Variants in PTPRD observed in about 807,000 individuals in gnomAD.
PTPRD encodes receptor-type tyrosine-protein phosphatase delta.
PTPRD carries 34 observed loss-of-function variants against 214.5 expected under a neutral mutation model. The ratio of observed to expected loss-of-function variants is 0.16; its 90% confidence interval spans 0.12 to 0.21. PTPRD has a LOEUF of 0.21. Among genes scored for constraint, PTPRD ranks in the 10% least tolerant of loss-of-function variants. The probability of loss-of-function intolerance (pLI) is 1.00; values close to 1 mark genes in which losing one functional copy is unlikely to be tolerated. For missense variants in PTPRD, 2,545 were observed against 2,398.7 expected (o/e 1.06, Z -1.27); for synonymous variants, 1,128 against 845.7 (o/e 1.33, Z -5.79).
intron 11 of PTPRD, among the ~76,000 whole-genome samples, chr9:8,963,871 TC>T (rs2099171837): frequency 6.6e-6 from 1 of 152,156 alleles, no homozygotes; most frequent in African/African-American, 2.4e-5. Context: ...GCCTCGGTCT[TC>T]CAAAGTGCTA....
chr9:10,379,860 T>C (rs1240997859), intron 2 of PTPRD, among the ~76,000 whole-genome samples: 1 of 152,074 alleles, frequency 6.6e-6, no homozygotes, highest in East Asian at 1.9e-4. Flanking sequence ...ATAATATATT[T>C]TGTCTGATTC....
chr9:8,798,897 T>C (rs528864782), intron 11 of PTPRD, among the ~76,000 whole-genome samples: 2 of 152,076 alleles, frequency 1.3e-5, no homozygotes, highest in African/African-American at 4.8e-5. Flanking sequence ...TAAGTGCCTA[T>C]GAGATGTCAT....
intron 3 of PTPRD, among the ~76,000 whole-genome samples, chr9:10,259,007 T>C (rs1295988624): frequency 6.6e-6 from 1 of 152,044 alleles, no homozygotes; most frequent in Non-Finnish European, 1.5e-5. Context: ...TTTGTTTCTT[T>C]TGTTTTGTTT....
At chr9:8,327,458 T>C (rs1835053033) in intron 44 of PTPRD, among the ~76,000 whole-genome samples, 1 of 152,166 alleles carries the variant, frequency 6.6e-6, no homozygotes, top group South Asian at 2.1e-4. Flanking sequence ...TTCCAATATG[T>C]GGTCAATGTT....
intron 2 of PTPRD, among the ~76,000 whole-genome samples, chr9:10,358,097 A>G (rs2097310774): frequency 6.6e-6 from 1 of 152,130 alleles, no homozygotes; most frequent in Non-Finnish European, 1.5e-5. Flanking sequence ...TATCTGATAG[A>G]GGACAAAACC....
chr9:8,461,552 C>G (rs1179747883), intron 32 of PTPRD, among the ~76,000 whole-genome samples: 1 of 151,878 alleles, frequency 6.6e-6, no homozygotes, highest in East Asian at 1.9e-4. Flanking sequence ...ACTAACTGCC[C>G]TGCTTCTACC....
At chr9:10,033,893 C>A (rs1023773011) in intron 3 of PTPRD, 103 bp from the exon 4 acceptor site, 1 of 152,078 alleles carries the variant, frequency 6.6e-6, no homozygotes, top group Admixed American at 6.6e-5. Context: ...ACAGGAAAAA[C>A]TGCCTTGTAG....
intron 43 of PTPRD, among the ~76,000 whole-genome samples, chr9:8,332,031 T>TAACA (rs1237958201): frequency 1.3e-5 from 2 of 152,132 alleles, no homozygotes; most frequent in Non-Finnish European, 2.9e-5. Context: ...GTTCCCCCAT[T>TAACA]AACAAATGTT....
intron 10 of PTPRD, among the ~76,000 whole-genome samples, chr9:9,130,024 G>C (rs1171958722): frequency 6.6e-6 from 1 of 152,018 alleles, no homozygotes; most frequent in African/African-American, 2.4e-5. Context: ...CATATAATAG[G>C]CTCTTAATGT....
At chr9:9,387,099 C>G (rs2064124924) in intron 9 of PTPRD, among the ~76,000 whole-genome samples, 1 of 152,160 alleles carries the variant, frequency 6.6e-6, no homozygotes, top group African/African-American at 2.4e-5. Context: ...GGCCAAAGAC[C>G]TACATTTACA....
intron 11 of PTPRD, among the ~76,000 whole-genome samples, chr9:8,908,533 T>C (rs1260958435): frequency 3.3e-5 from 5 of 151,892 alleles, no homozygotes; most frequent in Admixed American, 3.3e-4. Context: ...AATTAGAAAA[T>C]ACTTTGAACT....
At position 9,836,904 on chromosome 9, in the gene PTPRD, A is replaced by T. The variant is rs139350139; in HGVS notation, c.-367-70053T>A. Among the ~76,000 whole-genome samples the T allele has an allele frequency of 2.2e-3, 333 of 152,334 alleles. 1 individual carries two copies. The highest frequency in any genetic ancestry group is 7.7e-3 in the African/African-American group (321 of 41,592). On this transcript the variant is annotated intron_variant, in intron 5 of 45. Transcript: ENST00000381196. ...CAAGAGGTAGATAAATTAATAGATT[A>T]TAACATGACTGTTATACCTCTTTCA...
chr9:9,931,638 C>T lies in PTPRD; in HGVS notation c.-368+6869G>A, dbSNP rs576458191. The stretch of plus-strand genomic sequence containing the variant: ...CTGAGATCAAACTGCAAGACGGCAA[C>T]GAGGCTGGGGGAGGGGCGCCCACCA... On this transcript the variant is annotated intron_variant, in intron 5 of 45. Coordinates refer to ENST00000381196, the MANE Select transcript of PTPRD (RefSeq NM_002839.4). Among the ~76,000 whole-genome samples, 430 of 151,404 alleles carry T rather than the reference C, an allele frequency of 2.8e-3. 2 individuals carry two copies. Among genetic ancestry groups the T allele is most frequent in the Non-Finnish European group, 5.2e-3 (355 of 67,856 alleles).
intron 3 of PTPRD, among the ~76,000 whole-genome samples, chr9:10,177,873 C>A (rs544610411): frequency 6.6e-6 from 1 of 152,006 alleles, no homozygotes; most frequent in South Asian, 2.1e-4. Context: ...CTACTATCCA[C>A]TTCCTTTTAT....
At chr9:10,146,150 C>CATATATATATATATATATAT (rs56191246) in intron 3 of PTPRD, among the ~76,000 whole-genome samples, 18 of 147,370 alleles carry the variant, frequency 1.2e-4, no homozygotes, top group African/African-American at 3.5e-4. Context: ...TGAAATCATC[C>CATATATATATATATATATAT]ATATATATAT....
intron 2 of PTPRD, among the ~76,000 whole-genome samples, chr9:10,502,802 T>A (rs80165901): frequency 0.013 from 1,961 of 152,182 alleles, 45 homozygotes; most frequent in African/African-American, 0.045. Flanking sequence ...AGTTTTCAGA[T>A]AATAATATAA....
At position 9,725,289 on chromosome 9, in the gene PTPRD, A is replaced by G. The variant is rs539648231; in HGVS notation, c.-287+9244T>C. On this transcript the variant is annotated intron_variant, in intron 7 of 45. Transcript: ENST00000381196. ...AAGTCTCATGAGATCTGACGGTATT[A>G]AAAATGGGAGTTTCCCTGCACAAGC... is the stretch of plus-strand genomic sequence containing the variant. 1.2e-3 allele frequency among the ~76,000 whole-genome samples: 182 copies of G among 146,066 alleles called. 1 individual carries two copies. The highest frequency in any genetic ancestry group is 4.5e-3 in the African/African-American group (172 of 37,932).
chr9:9,163,882 T>C (rs1170094275), intron 10 of PTPRD, among the ~76,000 whole-genome samples: 1 of 152,146 alleles, frequency 6.6e-6, no homozygotes, highest in Non-Finnish European at 1.5e-5. Context: ...TTCTCTCAGA[T>C]TCACTTTAGC....
chr9:9,535,981 A>G (rs2154268078), intron 8 of PTPRD, among the ~76,000 whole-genome samples: 1 of 152,166 alleles, frequency 6.6e-6, no homozygotes, highest in Admixed American at 6.6e-5. Flanking sequence ...GTTCCTAACC[A>G]AGAAAGGTAA....
Sources: gnomAD v4.1 joint callset for allele counts (sites outside exome capture counted in the v4.1 genomes callset) on GRCh38, gnomAD v4.1.1 for gene constraint, MANE v1.5 for transcripts, NCBI Gene and HGNC (gene_info 2026-07-23, HGNC 2026-07-21) for gene names.